Variants in QSOX2 observed in about 807,000 individuals in gnomAD.
The protein encoded by QSOX2 is sulfhydryl oxidase 2.
In QSOX2, 46 loss-of-function variants were observed where a neutral mutation model predicts 61.7. That is an observed-to-expected ratio of 0.75 (90% confidence interval 0.59 to 0.95). The LOEUF is 0.95. QSOX2 is among the 40% of genes least tolerant of loss of function. The pLI is 0.00. For synonymous variants in QSOX2, 383 were observed against 388.4 expected (o/e 0.99, Z 0.16); for missense variants, 879 against 918.9 (o/e 0.96, Z 0.56).
rs1383661129 is a variant in QSOX2, at chr9:136,211,284, A to G, written c.1529T>C (p.Met510Thr). Residue 510 changes from methionine to threonine, a missense_variant, in exon 11 of 12, where the codon ATG (methionine) becomes ACG (threonine). Coordinates refer to ENST00000358701, the MANE Select transcript of QSOX2 (RefSeq NM_181701.4). ...CTCACCTGCCAGGCGGCCGTTCACCATATTATGCTTCTTCCACAGCCAGAG... is the reference window on the plus strand; with the variant it reads ...CTCACCTGCCAGGCGGCCGTTCACCGTATTATGCTTCTTCCACAGCCAGAG... Reference protein sequence around the residue: ...AILWLWKKHNMVNGRLAGHLS... With the variant: ...AILWLWKKHNTVNGRLAGHLS... 1 of 1,614,156 alleles carries G rather than the reference A, an allele frequency of 6.2e-7. No individual in the cohort carries two copies. The highest frequency in any genetic ancestry group is 1.7e-5 in the Admixed American group (1 of 60,028).
chr9:136,226,750 G>C (rs1328888584), intron 2 of QSOX2, 24 bp downstream of exon 2: 2 of 1,589,318 alleles, frequency 1.3e-6, no homozygotes, highest in East Asian at 2.2e-5. Flanking sequence ...AATTTCAACG[G>C]ACAAGCAGCC....
In QSOX2 at chr9:136,222,168, C is replaced by T. The variant is rs563201243; in HGVS notation, c.676-227G>A. 5.1e-4 allele frequency among the ~76,000 whole-genome samples: 78 copies of T among 152,334 alleles called. No homozygotes were observed. Among genetic ancestry groups the T allele is most frequent in the South Asian group, 2.5e-3 (12 of 4,828 alleles). On this transcript the variant is annotated intron_variant, in intron 5 of 11. Coordinates refer to ENST00000358701, the MANE Select transcript of QSOX2 (RefSeq NM_181701.4). This position sits in a 1 kb window ranked among gnomAD's most constrained non-coding sequence, Gnocchi z 6.9. ...CGGTCTTATTCGGCAATTTTACAAA[C>T]TCATCAAAGAAAACACTTATCCGCG...
chr9:136,209,901 G>C lies in QSOX2; in HGVS notation c.1550-626C>G, dbSNP rs1316391455. 3 of 985,394 alleles carry C rather than the reference G, an allele frequency of 3.0e-6. No homozygotes were observed. Among genetic ancestry groups the C allele is most frequent in the Non-Finnish European group, 3.6e-6 (3 of 829,922 alleles). 61.0% of individuals were successfully genotyped at this position (985,394 alleles called of 1,614,324 possible). On this transcript the variant is annotated intron_variant, in intron 11 of 11. Transcript: ENST00000358701. This position sits in a 1 kb window ranked among gnomAD's most constrained non-coding sequence, Gnocchi z 5.6. ...ATGTGCTCACTTCCAGGCCCAACAG[G>C]CATCCGTCATGCAGAAGCTGCGGCG...
chr9:136,229,906 C>T (rs1013554206), intron 1 of QSOX2, among the ~76,000 whole-genome samples: 2 of 152,218 alleles, frequency 1.3e-5, no homozygotes, highest in South Asian at 2.1e-4. Context: ...CCCTGCACAG[C>T]GACCGTGGAA....
At chr9:136,240,423 A>C (rs543179659) in intron 1 of QSOX2, among the ~76,000 whole-genome samples, 4 of 152,340 alleles carry the variant, frequency 2.6e-5, no homozygotes, top group Non-Finnish European at 5.9e-5. Context: ...AAGATAAAAC[A>C]ATCTCCCAAG....
intron 11 of QSOX2, chr9:136,211,033 AG>A: frequency 1.9e-6 from 1 of 528,606 alleles, no homozygotes; most frequent in Non-Finnish European, 2.4e-6. Context: ...GGGGTCGAAG[AG>A]CCCCCGGAGT....
At position 136,221,993 on chromosome 9, in the gene QSOX2, A is replaced by G; in HGVS notation, c.676-52T>C. 1.2e-5 allele frequency: 17 copies of G among 1,471,750 alleles called. No homozygotes were observed. Among genetic ancestry groups the G allele is most frequent in the Non-Finnish European group, 1.5e-5 (16 of 1,094,550 alleles). 91.2% of individuals were successfully genotyped at this position (1,471,750 alleles called of 1,614,324 possible). On this transcript the variant is annotated intron_variant, in intron 5 of 11. Coordinates refer to ENST00000358701, the MANE Select transcript of QSOX2 (RefSeq NM_181701.4). The surrounding 1 kb of genome is among the most constrained non-coding windows in gnomAD (Gnocchi z 4.5). The stretch of plus-strand genomic sequence containing the variant: ...TCCACAGGGGCTGGCAGTTTCTCAG[A>G]AAACACGACGTGCAGACACATGGCC...
chr9:136,238,711 C>T (rs1211845821), intron 1 of QSOX2, among the ~76,000 whole-genome samples: 1 of 152,228 alleles, frequency 6.6e-6, no homozygotes, highest in Admixed American at 6.5e-5. Context: ...GAGAGTTTTA[C>T]CTAGAAACCA....
In QSOX2 at chr9:136,226,763, G is replaced by A. The variant is rs371466405; in HGVS notation, c.429+11C>T. ...TGAATTTCAACGGACAAGCAGCCGC[G>A]TGATACTCACCCGGAAGGTGGGGTA... is the stretch of plus-strand genomic sequence containing the variant. On this transcript the variant is annotated intron_variant, in intron 2 of 11. Coordinates refer to ENST00000358701, the MANE Select transcript of QSOX2 (RefSeq NM_181701.4). 1.3e-5 allele frequency: 21 copies of A among 1,605,504 alleles called. No individual in the cohort carries two copies. The highest frequency in any genetic ancestry group is 9.4e-5 in the African/African-American group (7 of 74,766).
At chr9:136,244,045 A>G (rs1830451997) in intron 1 of QSOX2, among the ~76,000 whole-genome samples, 1 of 151,986 alleles carries the variant, frequency 6.6e-6, no homozygotes, top group Non-Finnish European at 1.5e-5. Context: ...TTTAGACTTC[A>G]GCGACTCAAC....
intron 8 of QSOX2, 98 bp from the exon 9 acceptor site, chr9:136,216,820 G>A (rs538237968): frequency 1.2e-5 from 17 of 1,455,392 alleles, no homozygotes; most frequent in Admixed American, 3.6e-5. Context: ...CACTCCATCC[G>A]CAGAGGGGCT....
chr9:136,238,145 C>T (rs1259918683), intron 1 of QSOX2, among the ~76,000 whole-genome samples: 2 of 152,228 alleles, frequency 1.3e-5, no homozygotes, highest in South Asian at 4.1e-4. Flanking sequence ...GTGCAACACC[C>T]CAACATGATG....
Position 136,223,345 on chromosome 9 carries a change from G to C in QSOX2, c.675+418C>G, listed in dbSNP as rs187782634. ...TGTACGTGTGAAATCAAAGTATGAC[G>C]ATAGAAACGACGTTTTACAGAATCT... On this transcript the variant is annotated intron_variant, in intron 5 of 11. Transcript: ENST00000358701. This position sits in a 1 kb window ranked among gnomAD's most constrained non-coding sequence, Gnocchi z 4.4. Among the ~76,000 whole-genome samples the C allele has an allele frequency of 2.3e-3, 356 of 152,308 alleles. 1 individual carries two copies. Among genetic ancestry groups the C allele is most frequent in the Non-Finnish European group, 3.8e-3 (258 of 68,032 alleles).
Position 136,245,477 on chromosome 9 carries a change from T to C in QSOX2, c.327A>G (p.Arg109=). Residue 109 remains arginine, a splice_region_variant and synonymous_variant, in exon 1 of 12, where the codon CGA becomes CGG. Coordinates refer to ENST00000358701, the MANE Select transcript of QSOX2 (RefSeq NM_181701.4). ...TCCCCGCGCGGGGGCGCGCCTCACC[T>C]CGCACATCCCCAGCCAGGGCCCGCC... is the stretch of plus-strand genomic sequence containing the variant. The part of the protein sequence containing the change: ...PTWRALAGDV[R]DWASAIRVAA... 6.3e-7 allele frequency: 1 copy of C among 1,589,326 alleles called. No individual in the cohort carries two copies.
Position 136,218,889 on chromosome 9 carries a change from G to T in QSOX2, c.957-81C>A, listed in dbSNP as rs552700851. The T allele has an allele frequency of 1.9e-6, 3 of 1,577,054 alleles. No individual in the cohort carries two copies. The African/African-American group carries it at 4.1e-5, about 21-fold the overall frequency. On this transcript the variant is annotated intron_variant, in intron 7 of 11. Coordinates refer to ENST00000358701, the MANE Select transcript of QSOX2 (RefSeq NM_181701.4). ...TCTCCCTGTCCTGGCTCCTCCCCACGGACTCCCAGGGCCCCTGGGAGGGCT... is the reference window on the plus strand; with the variant it reads ...TCTCCCTGTCCTGGCTCCTCCCCACTGACTCCCAGGGCCCCTGGGAGGGCT...
chr9:136,209,910 A>G lies in QSOX2; in HGVS notation c.1550-635T>C, dbSNP rs2131047703. On this transcript the variant is annotated intron_variant, in intron 11 of 11. Transcript: ENST00000358701. The surrounding 1 kb of genome is among the most constrained non-coding windows in gnomAD (Gnocchi z 5.6). ...CTTCCAGGCCCAACAGGCATCCGTC[A>G]TGCAGAAGCTGCGGCGCACGGCGCC... is the stretch of plus-strand genomic sequence containing the variant. The G allele has an allele frequency of 1.0e-6, 1 of 985,416 alleles. No homozygotes were observed. The highest frequency in any genetic ancestry group is 1.2e-6 in the Non-Finnish European group (1 of 829,926). The allele number at this position is 985,416 out of a possible 1,614,324, so 61.0% of individuals were successfully genotyped here.
intron 3 of QSOX2, among the ~76,000 whole-genome samples, chr9:136,224,476 C>T (rs73668098): frequency 9.6e-4 from 146 of 152,106 alleles, no homozygotes; most frequent in African/African-American, 3.3e-3. Flanking sequence ...GCAGCTCCAC[C>T]GGGTCCCTCA....
rs1165537465 is a variant in QSOX2, at chr9:136,211,270, G to A, written c.1543C>T (p.Leu515=). 1.2e-6 allele frequency: 2 copies of A among 1,613,768 alleles called. No individual in the cohort carries two copies. The highest frequency in any genetic ancestry group is 2.2e-5 in the East Asian group (1 of 44,876). Residue 515 remains leucine (L), a synonymous_variant, in exon 11 of 12, where the codon CTG becomes TTG. Transcript: ENST00000358701. ...ATGCCCAGGGGCTTCTCACCTGCCA[G>A]GCGGCCGTTCACCATATTATGCTTC... ...WKKHNMVNGR[L]AGHLSEDPRF...
At chr9:136,239,436 C>G (rs1830417136) in intron 1 of QSOX2, among the ~76,000 whole-genome samples, 1 of 152,362 alleles carries the variant, frequency 6.6e-6, no homozygotes, top group East Asian at 1.9e-4. Flanking sequence ...GCCCCGGCCA[C>G]TTCCTTGTTT....
Sources: gnomAD v4.1 joint callset for allele counts (sites outside exome capture counted in the v4.1 genomes callset) on GRCh38, gnomAD v4.1.1 for gene constraint, Gnocchi (gnomAD v3.1) non-coding constraint, MANE v1.5 for transcripts, NCBI Gene and HGNC (gene_info 2026-07-23, HGNC 2026-07-21) for gene names.